SEMA3C: variants seen among roughly 807,000 people sequenced by gnomAD.
SEMA3C encodes the protein semaphorin-3C.
In SEMA3C, 47 loss-of-function variants were observed where a neutral mutation model predicts 89.4. The observed-to-expected ratio is 0.53, with a 90% CI of 0.42 to 0.67. The LOEUF (loss-of-function observed/expected upper bound fraction) is 0.67, where lower values mean the gene tolerates loss of function less well. Among genes scored for constraint, SEMA3C ranks in the 30% least tolerant of loss-of-function variants. SEMA3C has a pLI of 0.00. For synonymous variants in SEMA3C, 310 were observed against 320.2 expected, an observed-to-expected ratio of 0.97 and a Z score of 0.34; for missense variants, 839 against 929.1, an observed-to-expected ratio of 0.90 and a Z score of 1.26.
chr7:80,905,907 A>G, intron 2 of SEMA3C: 2 of 1,289,262 alleles, frequency 1.6e-6, no homozygotes, highest in South Asian at 1.2e-5. Flanking sequence ...AGCATTGTAC[A>G]AGGTAGGCTC....
intron 5 of SEMA3C, among the ~76,000 whole-genome samples, chr7:80,813,088 T>C (rs1789509555): frequency 6.6e-6 from 1 of 151,434 alleles, no homozygotes; most frequent in African/African-American, 2.4e-5. Context: ...ATTACAGACA[T>C]GAGCCACTGT....
rs370818813 is a variant in SEMA3C at position 80,744,689 on chromosome 7, C to A, written c.*205G>T. 1.8e-4 allele frequency: 105 copies of A among 595,308 alleles called. No individual in the cohort carries two copies. The African/African-American group carries it at 1.8e-3, about 10-fold the overall frequency. The allele number at this position is 595,308 out of a possible 1,614,324, so 36.9% of individuals were successfully genotyped here. On this transcript the variant is annotated 3_prime_UTR_variant, in exon 18 of 18. Transcript: ENST00000265361. ...GGGTTAAGTTAAATATATTTATATG[C>A]ACCATGAGGACCATGACATGTCTAG...
At chr7:80,834,625 G>T (rs1374104902) in intron 2 of SEMA3C, among the ~76,000 whole-genome samples, 1 of 152,032 alleles carries the variant, frequency 6.6e-6, no homozygotes, top group Non-Finnish European at 1.5e-5. Context: ...ACTAAGTCAC[G>T]AAGAATCTCA....
At chr7:80,791,656 T>C (rs1254869170) in intron 11 of SEMA3C, among the ~76,000 whole-genome samples, 1 of 152,184 alleles carries the variant, frequency 6.6e-6, no homozygotes, top group Non-Finnish European at 1.5e-5. Flanking sequence ...AATAAAATCC[T>C]CGTGCTTCCA....
chr7:80,886,574 G>A (rs1186391908), intron 2 of SEMA3C, among the ~76,000 whole-genome samples: 5 of 151,938 alleles, frequency 3.3e-5, no homozygotes, highest in East Asian at 1.9e-4. Context: ...GGCTGGTCTC[G>A]AACTACTGAC....
At chr7:80,814,510 T>C (rs1412819653) in intron 5 of SEMA3C, among the ~76,000 whole-genome samples, 1 of 152,128 alleles carries the variant, frequency 6.6e-6, no homozygotes, top group Non-Finnish European at 1.5e-5. Flanking sequence ...CCTCTCTGCA[T>C]AATTAAATCC....
intron 2 of SEMA3C, among the ~76,000 whole-genome samples, chr7:80,846,884 G>C (rs1309277861): frequency 1.3e-5 from 2 of 152,078 alleles, no homozygotes; most frequent in African/African-American, 4.8e-5. Context: ...ATCAATTATA[G>C]CTGAAGAGCA....
At chr7:80,919,465 GT>G, upstream of SEMA3C, 1 of 829,560 alleles carries the variant, frequency 1.2e-6, no homozygotes, top group Non-Finnish European at 1.5e-6. Context: ...AGCAGTTGTG[GT>G]TTTTTATTTT....
intron 5 of SEMA3C, among the ~76,000 whole-genome samples, chr7:80,813,579 C>T (rs1789522112): frequency 6.6e-6 from 1 of 152,208 alleles, no homozygotes; most frequent in Admixed American, 6.5e-5. Context: ...TCCACTAATA[C>T]ATGAGACTAG....
chr7:80,894,482 CA>C (rs1262723179), intron 2 of SEMA3C, among the ~76,000 whole-genome samples: 2 of 152,084 alleles, frequency 1.3e-5, no homozygotes, highest in Admixed American at 6.5e-5. Context: ...CATGTTTCTA[CA>C]AAAAAATTTT....
At position 80,742,685 on chromosome 7, in the gene SEMA3C, A is replaced by C. The variant is rs972162148; in HGVS notation, c.*2209T>G. On this transcript the variant is annotated 3_prime_UTR_variant, in exon 18 of 18. Transcript: ENST00000265361. ...AGTTTCATCATGCTAAAATCTATTC[A>C]CAAACTTACACTTTGGAAAAAAGTG... is the stretch of plus-strand genomic sequence containing the variant. 7 of 152,026 alleles carry C rather than the reference A, an allele frequency of 4.6e-5. No individual in the cohort carries two copies. The highest frequency in any genetic ancestry group is 1.7e-4 in the African/African-American group (7 of 41,540). 9.4% of individuals were successfully genotyped at this position (152,026 alleles called of 1,614,324 possible).
chr7:80,835,850 G>A (rs1382393833), intron 2 of SEMA3C, among the ~76,000 whole-genome samples: 1 of 152,044 alleles, frequency 6.6e-6, no homozygotes, highest in African/African-American at 2.4e-5. Flanking sequence ...ACACACAAAG[G>A]AATTAAAATT....
intron 2 of SEMA3C, among the ~76,000 whole-genome samples, chr7:80,881,547 A>G (rs1285216115): frequency 6.6e-6 from 1 of 152,162 alleles, no homozygotes; most frequent in Non-Finnish European, 1.5e-5. Context: ...GTGATTTTAC[A>G]TGTGTAAGTG....
intron 6 of SEMA3C, among the ~76,000 whole-genome samples, chr7:80,808,857 C>A (rs1789402508): frequency 6.6e-6 from 1 of 152,142 alleles, no homozygotes; most frequent in Non-Finnish European, 1.5e-5. Context: ...TCACCACAAC[C>A]TCTGCCTCCC....
intron 2 of SEMA3C, among the ~76,000 whole-genome samples, chr7:80,838,458 G>A (rs1235197652): frequency 1.3e-5 from 2 of 152,010 alleles, no homozygotes; most frequent in East Asian, 2.0e-4. Context: ...ACATCTTGTA[G>A]GAAAAAGGGG....
chr7:80,745,957 A>G (rs188036956), intron 17 of SEMA3C, among the ~76,000 whole-genome samples: 1 of 152,262 alleles, frequency 6.6e-6, no homozygotes, highest in Non-Finnish European at 1.5e-5. Flanking sequence ...AGGTAATAAA[A>G]AGCTATGAAT....
chr7:80,837,158 G>A (rs1790153030), intron 2 of SEMA3C, among the ~76,000 whole-genome samples: 1 of 152,122 alleles, frequency 6.6e-6, no homozygotes, highest in Non-Finnish European at 1.5e-5. Context: ...ACTAGCATCA[G>A]AATCATCTGA....
chr7:80,851,936 T>C (rs1790523534), intron 2 of SEMA3C, among the ~76,000 whole-genome samples: 1 of 152,234 alleles, frequency 6.6e-6, no homozygotes, highest in Non-Finnish European at 1.5e-5. Context: ...AATTTTAATA[T>C]GATAAAAATA....
chr7:80,799,681 AAAAT>A (rs1347799096), intron 10 of SEMA3C, among the ~76,000 whole-genome samples: 1 of 151,724 alleles, frequency 6.6e-6, no homozygotes, highest in South Asian at 2.1e-4. Flanking sequence ...GTCTCTACTA[AAAAT>A]AAATAAATAA....
Sources: gnomAD v4.1 joint callset for allele counts (sites outside exome capture counted in the v4.1 genomes callset) on GRCh38, gnomAD v4.1.1 for gene constraint, MANE v1.5 for transcripts, NCBI Gene and HGNC (gene_info 2026-07-23, HGNC 2026-07-21) for gene names.